NANOS3: variants seen among roughly 807,000 people sequenced by gnomAD.
The protein encoded by NANOS3 is nanos homolog 3.
Under a neutral mutation model 13.8 loss-of-function variants are expected in NANOS3, and 11 were observed. The observed-to-expected ratio is 0.80, with a 90% CI of 0.50 to 1.32. The LOEUF (loss-of-function observed/expected upper bound fraction) is 1.32, where lower values mean the gene tolerates loss of function less well. Ranked by LOEUF, NANOS3 falls within the 40% of genes most tolerant of loss-of-function variation. The probability of loss-of-function intolerance (pLI) is 0.00; values close to 1 mark genes in which losing one functional copy is unlikely to be tolerated. For synonymous variants in NANOS3, 119 were observed against 115.4 expected (o/e 1.03, Z -0.20); for missense variants, 221 against 263.8 (o/e 0.84, Z 1.12).
chr19:13,874,450 A>T (rs918840395), upstream of NANOS3, among the ~76,000 whole-genome samples: 2 of 152,148 alleles, frequency 1.3e-5, no homozygotes, highest in African/African-American at 4.8e-5. Flanking sequence ...TCACTTTGTG[A>T]ATTACTTAAG....
At chr19:13,866,272 G>GA (rs139452365) in intron 1 of NANOS3, among the ~76,000 whole-genome samples, 1,964 of 152,028 alleles carry the variant, frequency 0.013, 45 homozygotes, top group African/African-American at 0.045. Flanking sequence ...GGCTGGGGGT[G>GA]GGGGGGTGGA....
chr19:13,877,325 C>G lies in NANOS3; in HGVS notation c.77C>G (p.Pro26Arg). 6.2e-7 allele frequency: 1 copy of G among 1,612,956 alleles called. No homozygotes were observed. The highest frequency in any genetic ancestry group is 8.5e-7 in the Non-Finnish European group (1 of 1,180,026). ...AGGGCTCTGAGTGGGAAAGAGGGTCCTGAAACCAGGCTGAGCCCCCAGCCA... is the reference window on the plus strand; with the variant it reads ...AGGGCTCTGAGTGGGAAAGAGGGTCGTGAAACCAGGCTGAGCCCCCAGCCA... Reference protein sequence around the residue: ...LVRALSGKEGPETRLSPQPEP... With the variant: ...LVRALSGKEGRETRLSPQPEP... Residue 26 changes from proline to arginine, a missense_variant, in exon 1 of 2, where the codon CCT becomes CGT. This residue lies in a region of NANOS3 where 112 missense variants were observed against 116.3 expected (regional missense o/e 0.96). Coordinates refer to ENST00000339133, the MANE Select transcript of NANOS3 (RefSeq NM_001098622.3).
chr19:13,875,247 C>T (rs1321286321), upstream of NANOS3, among the ~76,000 whole-genome samples: 1 of 151,074 alleles, frequency 6.6e-6, no homozygotes, highest in Non-Finnish European at 1.5e-5. Context: ...AGTGCAGTGG[C>T]CCAATCTCAG....
intron 1 of NANOS3, chr19:13,865,498 G>A (rs1237022492): frequency 2.1e-5 from 3 of 144,760 alleles, no homozygotes; most frequent in Admixed American, 6.8e-5. Context: ...CCGCGGGCAG[G>A]GGGCGCGGCG....
At chr19:13,871,087 C>T (rs1352878454) in intron 1 of NANOS3, among the ~76,000 whole-genome samples, 1 of 152,042 alleles carries the variant, frequency 6.6e-6, no homozygotes, top group Non-Finnish European at 1.5e-5. Flanking sequence ...AGCTTGTCAC[C>T]TCCCACTCTG....
At chr19:13,879,856 C>T (rs2145084280) in intron 1 of NANOS3, among the ~76,000 whole-genome samples, 1 of 152,230 alleles carries the variant, frequency 6.6e-6, no homozygotes, top group South Asian at 2.1e-4. Flanking sequence ...GAAACCCCGT[C>T]TCTACTGAAA....
rs781330903 is a variant in NANOS3 at position 13,877,415 on chromosome 19, C to T, written c.167C>T (p.Pro56Leu). 1 of 1,612,426 alleles carries T rather than the reference C, an allele frequency of 6.2e-7. No individual in the cohort carries two copies. The highest frequency in any genetic ancestry group is 8.5e-7 in the Non-Finnish European group (1 of 1,179,986). The change falls in exon 1 of 2, where the codon CCA becomes CTA. Residue 56 changes from proline to leucine, a missense_variant. This residue lies in a region of NANOS3 where 112 missense variants were observed against 116.3 expected (regional missense o/e 0.96). Coordinates refer to ENST00000339133, the MANE Select transcript of NANOS3 (RefSeq NM_001098622.3). ...CCGATGCCAGCGCCGGAGTCGGTGC[C>T]AGTGCCGGGACCCAAGGATCAGAAG... Reference protein sequence around the residue: ...LEPMPAPESVPVPGPKDQKRS... With the variant: ...LEPMPAPESVLVPGPKDQKRS...
At position 13,877,287 on chromosome 19, in the gene NANOS3, G is replaced by C. The variant is rs986046832; in HGVS notation, c.39G>C (p.Leu13Phe). The C allele has an allele frequency of 1.2e-6, 2 of 1,612,876 alleles. No individual in the cohort carries two copies. The highest frequency in any genetic ancestry group is 2.2e-5 in the East Asian group (1 of 44,868). Reference protein sequence around the residue: ...TFDLWTDYLGLAHLVRALSGK... With the variant: ...TFDLWTDYLGFAHLVRALSGK... ...ACCTGTGGACAGATTACCTGGGTTT[G>C]GCACACCTGGTTAGGGCTCTGAGTG... Residue 13 changes from leucine (L) to phenylalanine (F), a missense_variant, in exon 1 of 2, where the codon TTG becomes TTC. This residue lies in a region of NANOS3 where 112 missense variants were observed against 116.3 expected (regional missense o/e 0.96). Transcript: ENST00000339133.
chr19:13,873,000 G>T (rs1285654025), upstream of NANOS3, among the ~76,000 whole-genome samples: 2 of 151,566 alleles, frequency 1.3e-5, no homozygotes, highest in African/African-American at 2.4e-5. Flanking sequence ...CGGTCGGGGC[G>T]GACCTTAGTG....
chr19:13,880,349 T>G (rs1968607909), intron 1 of NANOS3, 93 bp from the exon 2 acceptor site: 1 of 1,200,038 alleles, frequency 8.3e-7, no homozygotes, highest in Non-Finnish European at 1.2e-6. Context: ...GCGCCAGAGG[T>G]CCAGCAGGCC....
At chr19:13,872,990 C>T (rs138090915), upstream of NANOS3, among the ~76,000 whole-genome samples, 1,011 of 114,044 alleles carry the variant, frequency 8.9e-3, 17 homozygotes, top group African/African-American at 0.033. Context: ...GGGGCGTGCC[C>T]GGTCGGGGCG....
chr19:13,869,691 G>A (rs1012539455), intron 1 of NANOS3, among the ~76,000 whole-genome samples: 3 of 151,310 alleles, frequency 2.0e-5, no homozygotes, highest in African/African-American at 7.3e-5. Flanking sequence ...CCCCATAATG[G>A]GCTCTTTGTC....
intron 1 of NANOS3, among the ~76,000 whole-genome samples, chr19:13,869,864 C>G (rs1219596149): frequency 6.6e-6 from 1 of 151,902 alleles, no homozygotes; most frequent in Non-Finnish European, 1.5e-5. Flanking sequence ...CGTGAACATA[C>G]AGAGACACCC....
intron 1 of NANOS3, among the ~76,000 whole-genome samples, chr19:13,879,727 TA>T (rs60370043): frequency 0.014 from 2,037 of 140,870 alleles, 40 homozygotes; most frequent in African/African-American, 0.042. Flanking sequence ...GACCTCGTCT[TA>T]AAAAAAAAAA....
At chr19:13,874,556 GT>G, upstream of NANOS3, 2 of 368,968 alleles carry the variant, frequency 5.4e-6, no homozygotes, top group Admixed American at 7.0e-5. Flanking sequence ...TTTGCCTTGT[GT>G]TTTTCCCAGA....
chr19:13,867,422 A>G (rs1976259052), intron 1 of NANOS3, among the ~76,000 whole-genome samples: 1 of 151,678 alleles, frequency 6.6e-6, no homozygotes, highest in Non-Finnish European at 1.5e-5. Context: ...GCACCACCAC[A>G]CCTGGGTAAT....
At chr19:13,874,651 C>T (rs1968472149), upstream of NANOS3, 1 of 511,044 alleles carries the variant, frequency 2.0e-6, no homozygotes, top group Non-Finnish European at 4.2e-6. Context: ...TCTCCCTCTT[C>T]ATGCTCTCTG....
chr19:13,874,934 G>T (rs1968478895), upstream of NANOS3: 1 of 531,696 alleles, frequency 1.9e-6, no homozygotes, highest in African/African-American at 1.9e-5. Flanking sequence ...TCGGTGGGTT[G>T]TGAGGACTGA....
chr19:13,874,826 C>T (rs772884859), upstream of NANOS3: 1 of 530,890 alleles, frequency 1.9e-6, no homozygotes, highest in Admixed American at 1.9e-5. Flanking sequence ...GTGACTCTGA[C>T]CTTCCAGATC....
Sources: gnomAD v4.1 joint callset for allele counts (sites outside exome capture counted in the v4.1 genomes callset) on GRCh38, gnomAD v4.1.1 for gene constraint, gnomAD v4.1.1 regional missense constraint, MANE v1.5 for transcripts, NCBI Gene and HGNC (gene_info 2026-07-23, HGNC 2026-07-21) for gene names.